C8orf34: variants seen among roughly 807,000 people sequenced by gnomAD.
C8orf34 encodes the protein uncharacterized protein C8orf34.
Under a neutral mutation model 68.3 loss-of-function variants are expected in C8orf34, and 65 were observed. That is an observed-to-expected ratio of 0.95 (90% confidence interval 0.78 to 1.17). The LOEUF is 1.17. Ranked by LOEUF, C8orf34 falls within the 50% of genes most tolerant of loss-of-function variation. The pLI, the probability that C8orf34 is intolerant of heterozygous loss-of-function variation, is 0.00. For missense variants in C8orf34, 664 were observed against 655.4 expected (o/e 1.01, Z -0.14); for synonymous variants, 244 against 241.2 (o/e 1.01, Z -0.11).
chr8:68,545,757 C>G (rs1815854327), intron 7 of C8orf34, among the ~76,000 whole-genome samples: 1 of 151,910 alleles, frequency 6.6e-6, no homozygotes, highest in Non-Finnish European at 1.5e-5. Context: ...GGAAATGATA[C>G]CAGAGGGAAA....
intron 4 of C8orf34, among the ~76,000 whole-genome samples, chr8:68,474,638 T>A (rs1185512826): frequency 6.6e-6 from 1 of 152,140 alleles, no homozygotes; most frequent in Non-Finnish European, 1.5e-5. Flanking sequence ...TGATACAACG[T>A]CAATATATTC....
chr8:68,465,750 A>G (rs1167650363), intron 3 of C8orf34, among the ~76,000 whole-genome samples: 4 of 148,918 alleles, frequency 2.7e-5, no homozygotes, highest in African/African-American at 9.8e-5. Flanking sequence ...GAATTGAACA[A>G]TGAGAACACA....
intron 2 of C8orf34, among the ~76,000 whole-genome samples, chr8:68,443,212 G>A (rs938281910): frequency 6.6e-6 from 1 of 152,126 alleles, no homozygotes; most frequent in African/African-American, 2.4e-5. Context: ...GAGTGTTTAT[G>A]TGGAAGGAAA....
chr8:68,533,850 C>A, intron 7 of C8orf34: 2 of 977,880 alleles, frequency 2.0e-6, no homozygotes, highest in Non-Finnish European at 2.4e-6. Context: ...CAGAGTGATC[C>A]ACATATAAAA....
At chr8:68,645,909 C>T (rs1819156273) in intron 8 of C8orf34, among the ~76,000 whole-genome samples, 1 of 152,114 alleles carries the variant, frequency 6.6e-6, no homozygotes, top group Non-Finnish European at 1.5e-5. Context: ...ATGTTGGGTA[C>T]TTTGAACTGA....
chr8:68,389,657 C>G (rs1335399904), intron 1 of C8orf34, among the ~76,000 whole-genome samples: 1 of 152,056 alleles, frequency 6.6e-6, no homozygotes, highest in Non-Finnish European at 1.5e-5. Flanking sequence ...TGCTTAGGAA[C>G]TCAGAATTTA....
At chr8:68,531,369 A>G (rs778456649) in intron 6 of C8orf34, among the ~76,000 whole-genome samples, 1 of 152,126 alleles carries the variant, frequency 6.6e-6, no homozygotes, top group Non-Finnish European at 1.5e-5. Flanking sequence ...TCTATAATCT[A>G]CAACAGTCCT....
chr8:68,558,875 A>C (rs893736103), intron 7 of C8orf34, among the ~76,000 whole-genome samples: 1 of 152,208 alleles, frequency 6.6e-6, no homozygotes, highest in Non-Finnish European at 1.5e-5. Flanking sequence ...AGAAGAAAAA[A>C]ACCGAATACA....
chr8:68,469,159 A>C (rs1394907712), intron 4 of C8orf34, among the ~76,000 whole-genome samples: 2 of 152,044 alleles, frequency 1.3e-5, no homozygotes, highest in African/African-American at 4.8e-5. Context: ...CTTTCTAATT[A>C]ATAAACATAC....
intron 8 of C8orf34, among the ~76,000 whole-genome samples, chr8:68,702,301 C>G (rs908005838): frequency 6.6e-6 from 1 of 152,058 alleles, no homozygotes. Flanking sequence ...CTAGATTTTA[C>G]CAATCCAAAG....
rs34850011 is a variant in C8orf34, at chr8:68,630,967, T to TTTTTA, written c.1106-9409_1106-9408insTTTTA. On this transcript the variant is annotated intron_variant, in intron 7 of 13. Coordinates refer to ENST00000518698, the MANE Select transcript of C8orf34 (RefSeq NM_052958.4). ...GCTATTTTTTTTTTTTTTTTTTTTT[T>TTTTTA]AAAAAACAGGGCCCCAGCCAAGGTT... 3.7e-3 allele frequency among the ~76,000 whole-genome samples: 504 copies of TTTTTA among 137,162 alleles called. 4 individuals carry two copies. The highest frequency in any genetic ancestry group is 0.013 in the African/African-American group (449 of 34,888). The allele number at this position is 137,162 out of a possible 152,430, so 90.0% of individuals were successfully genotyped here.
chr8:68,713,660 T>A (rs1821388282), intron 9 of C8orf34, among the ~76,000 whole-genome samples: 1 of 151,814 alleles, frequency 6.6e-6, no homozygotes, highest in South Asian at 2.1e-4. Flanking sequence ...GAAATAGTAA[T>A]AAAAAAAATT....
intron 10 of C8orf34, among the ~76,000 whole-genome samples, chr8:68,724,196 G>T (rs960056628): frequency 4.6e-5 from 7 of 152,112 alleles, no homozygotes; most frequent in Non-Finnish European, 1.0e-4. Flanking sequence ...AAAAACTTCT[G>T]TAGTATTTCT....
At chr8:68,639,647 T>C (rs1379060140) in intron 7 of C8orf34, among the ~76,000 whole-genome samples, 1 of 152,188 alleles carries the variant, frequency 6.6e-6, no homozygotes, top group Non-Finnish European at 1.5e-5. Flanking sequence ...GGAATCCTTT[T>C]TACAAGCTTC....
chr8:68,818,484 A>T lies in C8orf34; in HGVS notation c.*238A>T, dbSNP rs16935110. Reference sequence around the variant, plus strand: ...GCCGGCTGCCTTTTGACATGGTTAGAGTCCTGGGTTTAGATTACTTTATAA... The same window carrying T: ...GCCGGCTGCCTTTTGACATGGTTAGTGTCCTGGGTTTAGATTACTTTATAA... On this transcript the variant is annotated 3_prime_UTR_variant, in exon 14 of 14. Transcript: ENST00000518698. 72,881 of 470,834 alleles carry T rather than the reference A, an allele frequency of 0.15. 7,039 individuals carry two copies. Among genetic ancestry groups the T allele is most frequent in the East Asian group, 0.43 (13,465 of 31,438 alleles). The allele number at this position is 470,834 out of a possible 1,614,324, so 29.2% of individuals were successfully genotyped here.
At chr8:68,679,082 C>A (rs996189582) in intron 8 of C8orf34, among the ~76,000 whole-genome samples, 5 of 151,900 alleles carry the variant, frequency 3.3e-5, no homozygotes, top group Non-Finnish European at 7.4e-5. Flanking sequence ...GGGCTGATCA[C>A]AAGGTCAGGA....
intron 8 of C8orf34, among the ~76,000 whole-genome samples, chr8:68,696,184 A>G (rs760411458): frequency 2.0e-5 from 3 of 150,336 alleles, no homozygotes; most frequent in Non-Finnish European, 4.4e-5. Context: ...AAAAAAAGAC[A>G]CTAATATGTG....
chr8:68,721,302 C>A, intron 9 of C8orf34, 59 bp from the exon 10 acceptor site: 1 of 1,102,106 alleles, frequency 9.1e-7, no homozygotes, highest in Non-Finnish European at 1.3e-6. Flanking sequence ...GTTTATATAT[C>A]AGAGAATTAA....
At chr8:68,387,798 G>A (rs1305482272) in intron 1 of C8orf34, among the ~76,000 whole-genome samples, 1 of 152,082 alleles carries the variant, frequency 6.6e-6, no homozygotes, top group African/African-American at 2.4e-5. Context: ...ATACAAAATA[G>A]GTAATAGAGC....
Sources: gnomAD v4.1 joint callset for allele counts (sites outside exome capture counted in the v4.1 genomes callset) on GRCh38, gnomAD v4.1.1 for gene constraint, MANE v1.5 for transcripts, NCBI Gene and HGNC (gene_info 2026-07-23, HGNC 2026-07-21) for gene names.